The following SMIM31 variants were observed in gnomAD, a reference collection of about 807,000 sequenced individuals.
SMIM31 encodes the protein small integral membrane protein 31.
rs1732523951 is a variant in SMIM31, at chr4:164,754,349, ACT to A, written c.-85_-84del. 1.3e-5 allele frequency: 2 copies of A among 151,824 alleles called. No individual in the cohort carries two copies. Among genetic ancestry groups the A allele is most frequent in the Admixed American group, 6.6e-5 (1 of 15,226 alleles). 9.4% of individuals were successfully genotyped at this position (151,824 alleles called of 1,614,324 possible). On this transcript the variant is annotated 5_prime_UTR_variant, in exon 1 of 3. It removes the in-frame stop codon of an upstream open reading frame in the 5' UTR. Transcript: ENST00000507311. Reference sequence around the variant, plus strand: ...AGTCCCGAATCCCAAGACACTGAAGACTCTGTTTGAATCAGACTCACGGGTTC... The same window carrying A: ...AGTCCCGAATCCCAAGACACTGAAGACTGTTTGAATCAGACTCACGGGTTC...
At chr4:164,758,372 C>T (rs528382359) in intron 1 of SMIM31, among the ~76,000 whole-genome samples, 1 of 152,066 alleles carries the variant, frequency 6.6e-6, no homozygotes, top group South Asian at 2.1e-4. Flanking sequence ...TTATTTCTAA[C>T]TTTATTGCAT....
intron 2 of SMIM31, among the ~76,000 whole-genome samples, chr4:164,780,180 C>G (rs1016639329): frequency 6.6e-6 from 1 of 152,216 alleles, no homozygotes; most frequent in African/African-American, 2.4e-5. Context: ...ATAATCCCAG[C>G]ACTTTGGGAG....
chr4:164,771,299 A>G (rs931354555), intron 2 of SMIM31, among the ~76,000 whole-genome samples: 7 of 152,194 alleles, frequency 4.6e-5, no homozygotes, highest in African/African-American at 1.4e-4. Flanking sequence ...CCTGCTCACA[A>G]TTGTTTCCAC....
At chr4:164,798,519 G>T (rs1367559278) in intron 2 of SMIM31, among the ~76,000 whole-genome samples, 1 of 152,034 alleles carries the variant, frequency 6.6e-6, no homozygotes, top group Admixed American at 6.6e-5. Flanking sequence ...GGGATTACAG[G>T]CATGAGCCAC....
chr4:164,796,859 C>T (rs937814315), intron 2 of SMIM31, among the ~76,000 whole-genome samples: 1 of 152,178 alleles, frequency 6.6e-6, no homozygotes, highest in Non-Finnish European at 1.5e-5. Context: ...CATTCATTGG[C>T]TCAAAATCTT....
intron 2 of SMIM31, among the ~76,000 whole-genome samples, chr4:164,787,807 G>T (rs1263576585): frequency 6.6e-6 from 1 of 152,058 alleles, no homozygotes; most frequent in South Asian, 2.1e-4. Context: ...AGTCTTTTTA[G>T]TGCTTTACGT....
chr4:164,760,855 A>T (rs545277055), intron 1 of SMIM31, among the ~76,000 whole-genome samples: 1 of 152,216 alleles, frequency 6.6e-6, no homozygotes, highest in East Asian at 1.9e-4. Flanking sequence ...ATCCTGAACA[A>T]CTAGAAACAT....
At chr4:164,781,581 G>T (rs1235506899) in intron 2 of SMIM31, among the ~76,000 whole-genome samples, 8 of 152,092 alleles carry the variant, frequency 5.3e-5, no homozygotes, top group African/African-American at 1.9e-4. Context: ...GTTGTAGGGG[G>T]CTGTCCTAAG....
chr4:164,771,273 T>C (rs1414099988), intron 2 of SMIM31, among the ~76,000 whole-genome samples: 4 of 152,218 alleles, frequency 2.6e-5, no homozygotes, highest in Non-Finnish European at 5.9e-5. Flanking sequence ...ATAATTGGAA[T>C]CCATAAAATC....
At chr4:164,782,317 C>A (rs1454129410) in intron 2 of SMIM31, among the ~76,000 whole-genome samples, 3 of 151,050 alleles carry the variant, frequency 2.0e-5, no homozygotes, top group African/African-American at 7.3e-5. Flanking sequence ...TTTTACCCTA[C>A]ATACATTTTA....
At chr4:164,770,798 G>A (rs552135727) in intron 2 of SMIM31, among the ~76,000 whole-genome samples, 65 of 145,866 alleles carry the variant, frequency 4.5e-4, no homozygotes, top group Admixed American at 7.3e-4. Context: ...TTCTGTAGAA[G>A]TCTTTTAAAA....
intron 2 of SMIM31, among the ~76,000 whole-genome samples, chr4:164,796,268 A>G (rs1200218709): frequency 1.3e-5 from 2 of 152,162 alleles, no homozygotes; most frequent in Admixed American, 1.3e-4. Flanking sequence ...ATTTATTCAC[A>G]ACTGCCGAAA....
rs1733281827 is a variant in SMIM31, at chr4:164,801,402, G to A, written c.*208G>A. On this transcript the variant is annotated 3_prime_UTR_variant, in exon 3 of 3. Coordinates refer to ENST00000507311, the MANE Select transcript of SMIM31 (RefSeq NM_001352885.1). ...CAGCATTATCCAAAATATCTATTAAGAGCCATACACCATTCTAGCTGCAAT... is the reference window on the plus strand; with the variant it reads ...CAGCATTATCCAAAATATCTATTAAAAGCCATACACCATTCTAGCTGCAAT... 8.5e-6 allele frequency: 3 copies of A among 354,856 alleles called. No individual in the cohort carries two copies. Among genetic ancestry groups the A allele is most frequent in the Non-Finnish European group, 1.5e-5 (3 of 200,022 alleles). 22.0% of individuals were successfully genotyped at this position (354,856 alleles called of 1,614,324 possible).
At chr4:164,761,951 A>AAATAAAT (rs1442130099) in intron 1 of SMIM31, among the ~76,000 whole-genome samples, 3 of 151,720 alleles carry the variant, frequency 2.0e-5, no homozygotes, top group Non-Finnish European at 4.4e-5. Flanking sequence ...ATAAATAAAT[A>AAATAAAT]AATAAATAAA....
chr4:164,799,835 G>GT, intron 2 of SMIM31, among the ~76,000 whole-genome samples: 1 of 152,336 alleles, frequency 6.6e-6, no homozygotes, highest in East Asian at 1.9e-4. Flanking sequence ...TGTGTGCTCA[G>GT]TAAGAATTGC....
At chr4:164,763,387 A>G (rs1334494209) in intron 1 of SMIM31, among the ~76,000 whole-genome samples, 1 of 152,228 alleles carries the variant, frequency 6.6e-6, no homozygotes, top group Non-Finnish European at 1.5e-5. Context: ...ATTGAAAACT[A>G]AAGTGTACAT....
In SMIM31 at chr4:164,777,633, T is replaced by C. The variant is rs544822001; in HGVS notation, c.112+7078T>C. On this transcript the variant is annotated intron_variant, in intron 2 of 2. Transcript: ENST00000507311. The stretch of plus-strand genomic sequence containing the variant: ...ACCCATCAGGGAATTATAAGGATGT[T>C]CTGGGAAGGTAATGATCCTTCATCA... Among the ~76,000 whole-genome samples the C allele has an allele frequency of 5.9e-5, 9 of 152,298 alleles. No homozygotes were observed. The South Asian group carries it at 1.7e-3, about 28-fold the overall frequency.
rs1203133737 is a variant in SMIM31 at position 164,790,199 on chromosome 4, G to C, written c.113-10892G>C. On this transcript the variant is annotated intron_variant, in intron 2 of 2. Transcript: ENST00000507311. ...AATCCTAACTTTAAAAACTATACAT[G>C]AAATGCTATGATGACTAAAACACCT... Among the ~76,000 whole-genome samples the C allele has an allele frequency of 2.6e-5, 4 of 152,208 alleles. No homozygotes were observed. The East Asian group carries it at 7.7e-4, about 29-fold the overall frequency.
intron 1 of SMIM31, among the ~76,000 whole-genome samples, chr4:164,769,490 A>C (rs1275105908): frequency 1.3e-5 from 2 of 151,048 alleles, no homozygotes; most frequent in Non-Finnish European, 2.9e-5. Flanking sequence ...AAACTATCGC[A>C]AGGACAAAAA....
Sources: allele counts gnomAD v4.1 joint callset (sites outside exome capture counted in the v4.1 genomes callset), GRCh38; gene constraint gnomAD v4.1.1; transcripts MANE v1.5; gene names NCBI Gene and HGNC (gene_info 2026-07-23, HGNC 2026-07-21).